The following WDPCP variants were observed in gnomAD, a reference collection of about 807,000 sequenced individuals.
WDPCP encodes the protein WD repeat-containing and planar cell polarity effector protein fritz homolog.
WDPCP carries 71 observed loss-of-function variants against 93.1 expected under a neutral mutation model. That is an observed-to-expected ratio of 0.76 (90% CI 0.63 to 0.93). The LOEUF is 0.93. WDPCP is among the 40% of genes least tolerant of loss of function. The pLI, the probability that WDPCP is intolerant of heterozygous loss-of-function variation, is 0.00. For synonymous variants in WDPCP, 315 were observed against 315.0 expected (o/e 1.00, Z 0.00); for missense variants, 844 against 887.4 (o/e 0.95, Z 0.62).
chr2:63,671,354 C>T (rs181269277), intron 2 of WDPCP, among the ~76,000 whole-genome samples: 17 of 152,280 alleles, frequency 1.1e-4, no homozygotes, highest in South Asian at 2.1e-4. Flanking sequence ...AGTCTTCTGA[C>T]GGCTACTTTG....
intron 2 of WDPCP, among the ~76,000 whole-genome samples, chr2:63,705,974 G>C (rs28838707): frequency 0.053 from 8,135 of 152,110 alleles, 403 homozygotes; most frequent in African/African-American, 0.12. Flanking sequence ...TATGAATCTG[G>C]GTGCCCCTGT....
At position 63,351,038 on chromosome 2, in the gene WDPCP, A is replaced by G. The variant is rs375925264; in HGVS notation, c.1748+27348T>C. 2.5e-4 allele frequency among the ~76,000 whole-genome samples: 38 copies of G among 151,896 alleles called. No homozygotes were observed. In the Middle Eastern group the frequency reaches 0.01, roughly 41 times the overall value. On this transcript the variant is annotated intron_variant, in intron 12 of 17. Transcript: ENST00000272321. ...ACTCTGTTGCCCAGGCTAGAGTGCA[A>G]TGGCTCAATCTTAGCTCACTGCAAC...
intron 6 of WDPCP, among the ~76,000 whole-genome samples, chr2:63,457,900 C>CAGATCATG (rs1698738819): frequency 6.6e-6 from 1 of 152,052 alleles, no homozygotes; most frequent in Non-Finnish European, 1.5e-5. Context: ...CCAAGGCAGG[C>CAGATCATG]AGATCATGAG....
rs1446253991 is a variant in WDPCP at position 63,382,103 on chromosome 2, A to G, written c.1436-9T>C. On this transcript the variant is annotated splice_polypyrimidine_tract_variant and intron_variant, in intron 10 of 17. Coordinates refer to ENST00000272321, the MANE Select transcript of WDPCP (RefSeq NM_015910.7). ...TCCTCGAGTGAAGACGCCTATCACA[A>G]AACATGGAAAACCAGGTGAATCTTT... The G allele has an allele frequency of 1.2e-6, 2 of 1,610,802 alleles. No homozygotes were observed. Among genetic ancestry groups the G allele is most frequent in the African/African-American group, 2.7e-5 (2 of 74,880 alleles).
chr2:63,149,735 A>C (rs972358874), intron 17 of WDPCP, among the ~76,000 whole-genome samples: 1 of 152,246 alleles, frequency 6.6e-6, no homozygotes, highest in Admixed American at 6.5e-5. Flanking sequence ...AGTAACAAGA[A>C]GAATGCACTA....
At chr2:63,368,297 A>ATTTTATTT (rs372647501) in intron 12 of WDPCP, among the ~76,000 whole-genome samples, 1 of 147,050 alleles carries the variant, frequency 6.8e-6, no homozygotes, top group Non-Finnish European at 1.5e-5. Flanking sequence ...GTTTATTTTT[A>ATTTTATTT]ATTTATTTAT....
At chr2:63,470,833 A>C (rs907560119) in intron 6 of WDPCP, among the ~76,000 whole-genome samples, 3 of 152,032 alleles carry the variant, frequency 2.0e-5, no homozygotes, top group Non-Finnish European at 4.4e-5. Context: ...CACCCCACTC[A>C]TATCAACTCC....
chr2:63,380,408 G>A (rs1233452123), intron 11 of WDPCP, among the ~76,000 whole-genome samples: 1 of 151,950 alleles, frequency 6.6e-6, no homozygotes, highest in East Asian at 1.9e-4. Context: ...CCGAAGTAGT[G>A]GGCCATGCAC....
intron 6 of WDPCP, among the ~76,000 whole-genome samples, chr2:63,458,756 G>T (rs1575459719): frequency 6.6e-6 from 1 of 152,076 alleles, no homozygotes; most frequent in African/African-American, 2.4e-5. Context: ...AACCAAAAAA[G>T]AACCCAAACA....
intron 10 of WDPCP, chr2:63,403,586 AT>A (rs1225434393): frequency 1.9e-5 from 3 of 154,628 alleles, no homozygotes; most frequent in Non-Finnish European, 4.3e-5. Flanking sequence ...CTAACTAAAT[AT>A]CTGCTTTCTT....
chr2:63,262,162 AT>A (rs1251328588), intron 13 of WDPCP, among the ~76,000 whole-genome samples: 1 of 152,156 alleles, frequency 6.6e-6, no homozygotes, highest in Non-Finnish European at 1.5e-5. Context: ...TGGTATCAAG[AT>A]TACACTGGCC....
At chr2:63,252,367 A>G (rs187166618) in intron 14 of WDPCP, among the ~76,000 whole-genome samples, 1 of 152,312 alleles carries the variant, frequency 6.6e-6, no homozygotes, top group Non-Finnish European at 1.5e-5. Flanking sequence ...CCTTAAGAAC[A>G]GGAATAAGAC....
At chr2:63,243,901 AC>A (rs1680061911) in intron 14 of WDPCP, among the ~76,000 whole-genome samples, 1 of 152,110 alleles carries the variant, frequency 6.6e-6, no homozygotes, top group African/African-American at 2.4e-5. Flanking sequence ...CCATGCAACA[AC>A]CACAGAATAT....
chr2:63,669,029 C>A (rs764200403), intron 2 of WDPCP, among the ~76,000 whole-genome samples: 2 of 152,168 alleles, frequency 1.3e-5, no homozygotes, highest in Non-Finnish European at 2.9e-5. Context: ...ACACAAAACA[C>A]TAACACTTAC....
At chr2:63,589,227 T>G, upstream of WDPCP, 1 of 1,563,366 alleles carries the variant, frequency 6.4e-7, no homozygotes, top group Admixed American at 1.9e-5. Flanking sequence ...AGGGATTGAT[T>G]TCCACCTTGC....
At chr2:63,498,011 A>G (rs1024464593) in intron 1 of WDPCP, among the ~76,000 whole-genome samples, 1 of 152,186 alleles carries the variant, frequency 6.6e-6, no homozygotes, top group African/African-American at 2.4e-5. Flanking sequence ...CCCAATGCAC[A>G]TGGCATAGAA....
At chr2:63,485,092 G>T in intron 4 of WDPCP, 105 bp from the exon 5 acceptor site, 1 of 1,157,458 alleles carries the variant, frequency 8.6e-7, no homozygotes. Context: ...CTCTATAATC[G>T]AGAGGAAGTG....
intron 1 of WDPCP, among the ~76,000 whole-genome samples, chr2:63,548,731 G>C (rs1264933657): frequency 6.6e-6 from 1 of 151,528 alleles, no homozygotes; most frequent in East Asian, 1.9e-4. Context: ...CTGGCCTCAA[G>C]CGATCTTCCA....
upstream of WDPCP, among the ~76,000 whole-genome samples, chr2:63,828,965 TTG>T (rs1671154478): frequency 2.0e-5 from 3 of 152,178 alleles, no homozygotes; most frequent in South Asian, 6.2e-4. Context: ...GTATATCACT[TTG>T]TGTTATAAAA....
Sources: gnomAD v4.1 joint callset for allele counts (sites outside exome capture counted in the v4.1 genomes callset) on GRCh38, gnomAD v4.1.1 for gene constraint, MANE v1.5 for transcripts, NCBI Gene and HGNC (gene_info 2026-07-23, HGNC 2026-07-21) for gene names.